The following ZNRF3 variants were observed in gnomAD, a reference collection of about 807,000 sequenced individuals.
ZNRF3 encodes zinc and ring finger 3.
In ZNRF3, 23 loss-of-function variants were observed where a neutral mutation model predicts 72.5. The observed-to-expected ratio is 0.32, with a 90% confidence interval of 0.23 to 0.45. The LOEUF is 0.45. ZNRF3 is among the 20% of genes least tolerant of loss of function. ZNRF3 has a pLI of 1.00. For missense variants in ZNRF3, 1,169 were observed against 1,272.1 expected (o/e 0.92, Z 1.23); for synonymous variants, 610 against 545.3 (o/e 1.12, Z -1.65).
At chr22:28,962,318 T>G (rs1044857635) in intron 1 of ZNRF3, among the ~76,000 whole-genome samples, 21 of 152,228 alleles carry the variant, frequency 1.4e-4, no homozygotes, top group African/African-American at 5.1e-4. Context: ...TCTGACTCTC[T>G]GTAACTTCTA....
chr22:28,969,044 A>C (rs1295666141), intron 1 of ZNRF3, among the ~76,000 whole-genome samples: 2 of 152,108 alleles, frequency 1.3e-5, no homozygotes, highest in East Asian at 3.9e-4. Flanking sequence ...CAGGCTGTAG[A>C]TTGTACATGC....
chr22:28,942,015 C>T (rs538784448), intron 1 of ZNRF3, among the ~76,000 whole-genome samples: 18 of 152,270 alleles, frequency 1.2e-4, no homozygotes, highest in African/African-American at 3.6e-4. Context: ...CATAAGTCTT[C>T]GACTTCTGAG....
rs1337661499 is a variant in ZNRF3 at position 28,883,844 on chromosome 22, C to T, written c.78C>T (p.Leu26=). ...RRRLRRRPRG[L]RCSRLPPPPP... The stretch of plus-strand genomic sequence containing the variant: ...GCCTGCGCCGCCGCCCCCGCGGCCT[C>T]CGGTGCAGCCGCCTGCCGCCGCCGC... The change falls in exon 1 of 9, where the codon CTC becomes CTT. Residue 26 remains leucine, a synonymous_variant. Coordinates refer to ENST00000544604, the MANE Select transcript of ZNRF3 (RefSeq NM_001206998.2). This position sits in a 1 kb window ranked among gnomAD's most constrained non-coding sequence, Gnocchi z 5.5. The T allele has an allele frequency of 6.1e-6, 6 of 982,190 alleles. No homozygotes were observed. The highest frequency in any genetic ancestry group is 5.3e-5 in the African/African-American group (3 of 56,384). The allele number at this position is 982,190 out of a possible 1,614,324, so 60.8% of individuals were successfully genotyped here.
intron 2 of ZNRF3, among the ~76,000 whole-genome samples, chr22:29,033,397 G>GT (rs1419047220): frequency 1.3e-5 from 2 of 149,148 alleles, no homozygotes; most frequent in Admixed American, 6.7e-5. Flanking sequence ...CAACTTAGGA[G>GT]TTTGAGTGTT....
At chr22:28,937,205 ATATATATATATT>A (rs1464162065) in intron 1 of ZNRF3, among the ~76,000 whole-genome samples, 3 of 4,056 alleles carry the variant, frequency 7.4e-4, no homozygotes, top group African/African-American at 1.3e-3. Flanking sequence ...ATATATATAT[ATATATATATATT>A]TTTTTTTTTT....
At position 29,049,023 on chromosome 22, in the gene ZNRF3, A is replaced by G. The variant is rs944605180; in HGVS notation, c.1016-174A>G. Among the ~76,000 whole-genome samples the G allele has an allele frequency of 2.6e-5, 4 of 152,174 alleles. No individual in the cohort carries two copies. The highest frequency in any genetic ancestry group is 9.7e-5 in the African/African-American group (4 of 41,434). ...AGGAGATGGGCCATTTCACACAGAC[A>G]GGCAGGTCAGCCTCTGCCGCTGCAG... On this transcript the variant is annotated intron_variant, in intron 7 of 8. Transcript: ENST00000544604. This position sits in a 1 kb window ranked among gnomAD's most constrained non-coding sequence, Gnocchi z 5.2.
intron 2 of ZNRF3, among the ~76,000 whole-genome samples, chr22:29,016,874 A>G (rs1043743064): frequency 3.3e-5 from 5 of 152,210 alleles, no homozygotes; most frequent in African/African-American, 1.2e-4. Context: ...CACCTCTGCA[A>G]TGTTTTCATC....
At chr22:28,975,525 AAAAG>A (rs1275701629) in intron 1 of ZNRF3, among the ~76,000 whole-genome samples, 2 of 148,838 alleles carry the variant, frequency 1.3e-5, no homozygotes, top group African/African-American at 5.0e-5. Flanking sequence ...AAAAAAAAAA[AAAAG>A]AGTTCAAGAC....
At chr22:29,033,864 C>G (rs1194374515) in intron 2 of ZNRF3, among the ~76,000 whole-genome samples, 2 of 152,168 alleles carry the variant, frequency 1.3e-5, no homozygotes, top group Non-Finnish European at 1.5e-5. Context: ...CACCTACATC[C>G]ACCCGAGCAA....
At chr22:29,051,229 G>A (rs1057265851) in intron 8 of ZNRF3, among the ~76,000 whole-genome samples, 6 of 152,012 alleles carry the variant, frequency 3.9e-5, no homozygotes, top group Admixed American at 3.3e-4. Context: ...CTCCCCATCC[G>A]CATGCTCACA....
At chr22:28,955,053 T>G (rs149068114) in intron 1 of ZNRF3, among the ~76,000 whole-genome samples, 4,813 of 150,714 alleles carry the variant, frequency 0.032, 166 homozygotes, top group Admixed American at 0.088. Flanking sequence ...TTTGTTTTTT[T>G]TTTTTGAGAC....
chr22:29,008,673 G>A (rs1461135849), intron 2 of ZNRF3, among the ~76,000 whole-genome samples: 5 of 152,166 alleles, frequency 3.3e-5, no homozygotes, highest in Non-Finnish European at 5.9e-5. Context: ...AAGTGCATTG[G>A]TGATAGATCT....
chr22:29,035,607 G>A (rs562520734), intron 2 of ZNRF3, among the ~76,000 whole-genome samples: 22 of 152,096 alleles, frequency 1.4e-4, no homozygotes, highest in African/African-American at 2.2e-4. Context: ...ACGGAGTCTC[G>A]CTCTGTCGCC....
chr22:29,013,283 G>C (rs746594671), intron 2 of ZNRF3, among the ~76,000 whole-genome samples: 4 of 152,182 alleles, frequency 2.6e-5, no homozygotes, highest in Non-Finnish European at 5.9e-5. Context: ...CATTCTGTTA[G>C]CTGTCGGGCA....
At chr22:28,901,868 T>C (rs1257927024) in intron 1 of ZNRF3, among the ~76,000 whole-genome samples, 1 of 151,518 alleles carries the variant, frequency 6.6e-6, no homozygotes, top group Non-Finnish European at 1.5e-5. Flanking sequence ...TGGCTAGGCG[T>C]TTTATGGTGC....
At chr22:28,923,504 CT>C (rs1045602695) in intron 1 of ZNRF3, among the ~76,000 whole-genome samples, 6 of 150,748 alleles carry the variant, frequency 4.0e-5, no homozygotes, top group East Asian at 3.9e-4. Context: ...TCAGAAGTTC[CT>C]TTTTTTTTCA....
At chr22:29,019,687 C>T (rs1364736799) in intron 2 of ZNRF3, among the ~76,000 whole-genome samples, 1 of 152,138 alleles carries the variant, frequency 6.6e-6, no homozygotes, top group East Asian at 1.9e-4. Context: ...TTAATTGGCA[C>T]CTACCATGTA....
At chr22:29,046,605 G>C in intron 5 of ZNRF3, 111 bp from the exon 6 acceptor site, 2 of 1,232,318 alleles carry the variant, frequency 1.6e-6, no homozygotes, top group Non-Finnish European at 2.2e-6. Context: ...GTCTGTTCCG[G>C]CATGATAGAG....
intron 8 of ZNRF3, among the ~76,000 whole-genome samples, chr22:29,052,087 CATCAG>C (rs898861222): frequency 1.3e-5 from 2 of 152,154 alleles, no homozygotes; most frequent in Non-Finnish European, 2.9e-5. Flanking sequence ...ATTCAACAGA[CATCAG>C]ATTGCTACAA....
Sources: gnomAD v4.1 joint callset for allele counts (sites outside exome capture counted in the v4.1 genomes callset) on GRCh38, gnomAD v4.1.1 for gene constraint, Gnocchi (gnomAD v3.1) non-coding constraint, MANE v1.5 for transcripts, NCBI Gene and HGNC (gene_info 2026-07-23, HGNC 2026-07-21) for gene names.